DNASE1L3: variants seen among roughly 807,000 people sequenced by gnomAD.
DNASE1L3 encodes deoxyribonuclease 1L3.
Under a neutral mutation model 30.9 loss-of-function variants are expected in DNASE1L3, and 27 were observed. That is an observed-to-expected ratio of 0.87 (90% CI 0.64 to 1.20). DNASE1L3 has a LOEUF of 1.20. Ranked by LOEUF, DNASE1L3 falls within the 50% of genes most tolerant of loss-of-function variation. DNASE1L3 has a pLI of 0.00. For missense variants in DNASE1L3, 364 were observed against 378.2 expected (o/e 0.96, Z 0.31); for synonymous variants, 135 against 138.0 (o/e 0.98, Z 0.15).
rs935049443 is a variant in DNASE1L3, at chr3:58,200,251, A to C, written c.546+746T>G. 1.3e-5 allele frequency among the ~76,000 whole-genome samples: 2 copies of C among 152,184 alleles called. No individual in the cohort carries two copies. The highest frequency in any genetic ancestry group is 2.9e-5 in the Non-Finnish European group (2 of 68,038). On this transcript the variant is annotated intron_variant, in intron 5 of 7. Coordinates refer to ENST00000394549, the MANE Select transcript of DNASE1L3 (RefSeq NM_004944.4). This position sits in a 1 kb window ranked among gnomAD's most constrained non-coding sequence, Gnocchi z 4.2. ...CAGATTTAGTCAATCAGAGTAGCTC[A>C]ACACCCTGATCACAATGATTGGTTC... is the stretch of plus-strand genomic sequence containing the variant.
At chr3:58,203,646 T>C (rs926220088) in intron 4 of DNASE1L3, among the ~76,000 whole-genome samples, 5 of 151,940 alleles carry the variant, frequency 3.3e-5, no homozygotes, top group Non-Finnish European at 7.4e-5. Context: ...TTAAAAATTT[T>C]AAAATTAGCT....
intron 4 of DNASE1L3, among the ~76,000 whole-genome samples, chr3:58,202,286 CAGGCATG>C (rs2097401159): frequency 2.1e-5 from 3 of 144,348 alleles, no homozygotes; most frequent in Non-Finnish European, 4.5e-5. Flanking sequence ...ACTGGGATTA[CAGGCATG>C]CACCATCATG....
chr3:58,199,457 G>A (rs2097399274), intron 5 of DNASE1L3, among the ~76,000 whole-genome samples: 1 of 152,092 alleles, frequency 6.6e-6, no homozygotes, highest in African/African-American at 2.4e-5. Flanking sequence ...ATCACCTGAG[G>A]TCAGGCATTC....
chr3:58,207,456 AC>A (rs1241106928), intron 2 of DNASE1L3, among the ~76,000 whole-genome samples: 2 of 39,694 alleles, frequency 5.0e-5, no homozygotes, highest in Non-Finnish European at 1.4e-4. Context: ...CCCCCCCCCC[AC>A]CAGAAGTAAC....
chr3:58,202,418 C>T (rs896316908), intron 4 of DNASE1L3, among the ~76,000 whole-genome samples: 2 of 148,846 alleles, frequency 1.3e-5, no homozygotes, highest in Non-Finnish European at 3.0e-5. Flanking sequence ...CCATCTCAGC[C>T]TCCCAAAGTG....
At chr3:58,206,551 C>T (rs577597925) in intron 2 of DNASE1L3, among the ~76,000 whole-genome samples, 2 of 152,250 alleles carry the variant, frequency 1.3e-5, no homozygotes, top group South Asian at 2.1e-4. Context: ...GTGACTAAGG[C>T]CCATCCTGGC....
Position 58,192,651 on chromosome 3 carries a change from A to C in DNASE1L3, c.*36T>G. The C allele has an allele frequency of 2.5e-6, 4 of 1,586,666 alleles. No individual in the cohort carries two copies. The highest frequency in any genetic ancestry group is 3.6e-5 in the Admixed American group (2 of 55,948). On this transcript the variant is annotated 3_prime_UTR_variant, in exon 8 of 8. Coordinates refer to ENST00000394549, the MANE Select transcript of DNASE1L3 (RefSeq NM_004944.4). The surrounding 1 kb of genome is among the most constrained non-coding windows in gnomAD (Gnocchi z 4.8). ...TATCTGTTAGAGACATTTTATTTAG[A>C]GGCAAGAAATGGTTAATAAGATGAG... is the stretch of plus-strand genomic sequence containing the variant.
chr3:58,197,051 C>T lies in DNASE1L3; in HGVS notation c.704+770G>A, dbSNP rs767433717. ...CCAATGCCTAATGATGGGGATTGGG[C>T]GCATCAATTGCGGTAAGTCTTTGTG... On this transcript the variant is annotated intron_variant, in intron 6 of 7. Coordinates refer to ENST00000394549, the MANE Select transcript of DNASE1L3 (RefSeq NM_004944.4). The surrounding 1 kb of genome is among the most constrained non-coding windows in gnomAD (Gnocchi z 5.3). Among the ~76,000 whole-genome samples, 6 of 152,226 alleles carry T rather than the reference C, an allele frequency of 3.9e-5. No homozygotes were observed. Among genetic ancestry groups the T allele is most frequent in the Middle Eastern group, 3.4e-3 (1 of 294 alleles).
chr3:58,194,969 C>T (rs1200550525), intron 6 of DNASE1L3, among the ~76,000 whole-genome samples: 2 of 152,190 alleles, frequency 1.3e-5, no homozygotes, highest in Non-Finnish European at 2.9e-5. Context: ...AAATTCTTCG[C>T]ATCAAGTTAG....
rs574882035 is a variant in DNASE1L3 at position 58,193,280 on chromosome 3, T to A, written c.801+63A>T. On this transcript the variant is annotated intron_variant, in intron 7 of 7. Transcript: ENST00000394549. The stretch of plus-strand genomic sequence containing the variant: ...TTTTCATAGAGATGGAGTCTCATCA[T>A]GTTGCCCAAGCTAACTCATCTTTCC... The A allele has an allele frequency of 2.5e-6, 4 of 1,581,466 alleles. No homozygotes were observed. The East Asian group carries it at 6.7e-5, about 27-fold the overall frequency.
At position 58,192,494 on chromosome 3, in the gene DNASE1L3, T is replaced by C. The variant is rs2097394840; in HGVS notation, c.*193A>G. ...ATGCCCCTGGTTCCCTTTTAGACAA[T>C]TCAGGGGAGGTATGAGACCAAGAGA... On this transcript the variant is annotated 3_prime_UTR_variant, in exon 8 of 8. Transcript: ENST00000394549. This position sits in a 1 kb window ranked among gnomAD's most constrained non-coding sequence, Gnocchi z 4.8. The C allele has an allele frequency of 1.9e-6, 1 of 515,222 alleles. No individual in the cohort carries two copies. Among genetic ancestry groups the C allele is most frequent in the Admixed American group, 3.7e-5 (1 of 27,016 alleles). The allele number at this position is 515,222 out of a possible 1,614,324, so 31.9% of individuals were successfully genotyped here.
intron 5 of DNASE1L3, among the ~76,000 whole-genome samples, chr3:58,199,666 GA>G (rs558550386): frequency 0.097 from 11,462 of 118,204 alleles, 496 homozygotes; most frequent in Middle Eastern, 0.16. Flanking sequence ...TTCATCTCAA[GA>G]AAAAAAAAAA....
chr3:58,194,702 T>C (rs2097396171), intron 6 of DNASE1L3, among the ~76,000 whole-genome samples: 1 of 146,384 alleles, frequency 6.8e-6, no homozygotes, highest in Non-Finnish European at 1.5e-5. Flanking sequence ...CTCGGCTCAC[T>C]GCAAGCTCTG....
intron 6 of DNASE1L3, among the ~76,000 whole-genome samples, chr3:58,196,299 C>T (rs1320758158): frequency 6.6e-6 from 1 of 151,618 alleles, no homozygotes; most frequent in African/African-American, 2.4e-5. Flanking sequence ...AATCCCAGCA[C>T]TTTGGGAGGC....
At chr3:58,204,636 T>C in intron 4 of DNASE1L3, 133 bp downstream of exon 4, 3 of 702,378 alleles carry the variant, frequency 4.3e-6, no homozygotes, top group Non-Finnish European at 2.4e-6. Flanking sequence ...CTGCATCGTC[T>C]ACATTGAAGT....
At chr3:58,210,019 G>A (rs185258960) in intron 1 of DNASE1L3, among the ~76,000 whole-genome samples, 4 of 152,190 alleles carry the variant, frequency 2.6e-5, no homozygotes, top group African/African-American at 4.8e-5. Flanking sequence ...AAGCGTAAGC[G>A]AAAGTGGAAG....
At position 58,197,087 on chromosome 3, in the gene DNASE1L3, G is replaced by A. The variant is rs78594976; in HGVS notation, c.704+734C>T. On this transcript the variant is annotated intron_variant, in intron 6 of 7. Transcript: ENST00000394549. This position sits in a 1 kb window ranked among gnomAD's most constrained non-coding sequence, Gnocchi z 5.3. Reference sequence around the variant, plus strand: ...CGGTAAGTCTTTGTGATGGAACAATGATCAGCCCATGAATGTAATGAGCAC... The same window carrying A: ...CGGTAAGTCTTTGTGATGGAACAATAATCAGCCCATGAATGTAATGAGCAC... Among the ~76,000 whole-genome samples the A allele has an allele frequency of 7.4e-3, 1,126 of 152,296 alleles. 12 individuals carry two copies. Among genetic ancestry groups the A allele is most frequent in the African/African-American group, 0.025 (1,058 of 41,558 alleles).
chr3:58,198,989 A>G (rs550194339), intron 5 of DNASE1L3, among the ~76,000 whole-genome samples: 4 of 152,316 alleles, frequency 2.6e-5, no homozygotes, highest in Non-Finnish European at 5.9e-5. Context: ...CTCTTGGAAC[A>G]GAATTTTCAA....
chr3:58,210,704 C>T lies in DNASE1L3; in HGVS notation c.141+62G>A, dbSNP rs1389981713. ...TTAAGTTCCTTGAGTCTCTTAAAGT[C>T]TGCAGACAGGAGAGAGGGTGTGAGG... On this transcript the variant is annotated intron_variant, in intron 1 of 7. Coordinates refer to ENST00000394549, the MANE Select transcript of DNASE1L3 (RefSeq NM_004944.4). 5 of 1,609,792 alleles carry T rather than the reference C, an allele frequency of 3.1e-6. No individual in the cohort carries two copies. In the African/African-American group the frequency reaches 6.7e-5, roughly 22 times the overall value.
Sources: allele counts gnomAD v4.1 joint callset (sites outside exome capture counted in the v4.1 genomes callset), GRCh38; gene constraint gnomAD v4.1.1; non-coding constraint Gnocchi (gnomAD v3.1); transcripts MANE v1.5; gene names NCBI Gene and HGNC (gene_info 2026-07-23, HGNC 2026-07-21).